KCNN3: variants seen among roughly 807,000 people sequenced by gnomAD.
The protein encoded by KCNN3 is potassium calcium-activated channel subfamily N member 3, also known as small conductance calcium-activated potassium channel protein 3.
Under a neutral mutation model 62.9 loss-of-function variants are expected in KCNN3, and 16 were observed. That is an observed-to-expected ratio of 0.25 (90% CI 0.17 to 0.39). KCNN3 has a LOEUF of 0.39. KCNN3 is among the 10% of genes least tolerant of loss of function. The probability of loss-of-function intolerance (pLI) is 1.00; values close to 1 mark genes in which losing one functional copy is unlikely to be tolerated. For missense variants in KCNN3, 599 were observed against 949.4 expected, an observed-to-expected ratio of 0.63 and a Z score of 4.85; for synonymous variants, 370 against 389.2, an observed-to-expected ratio of 0.95 and a Z score of 0.58.
rs1446557075 is a variant in KCNN3 at position 154,854,720 on chromosome 1, A to T, written c.933+14312T>A. ...CCTATCACTTCGTGACATCTTGATG[A>T]TCCTGAACCTGTGTCAGCCCAGGCT... is the stretch of plus-strand genomic sequence containing the variant. On this transcript the variant is annotated intron_variant, in intron 1 of 7. Transcript: ENST00000271915. 2.6e-5 allele frequency among the ~76,000 whole-genome samples: 4 copies of T among 152,208 alleles called. No homozygotes were observed. The East Asian group carries it at 7.7e-4, about 29-fold the overall frequency.
chr1:154,814,062 TC>T lies in KCNN3; in HGVS notation c.1029+8026del, dbSNP rs781711120. On this transcript the variant is annotated intron_variant, in intron 2 of 7. Coordinates refer to ENST00000271915, the MANE Select transcript of KCNN3 (RefSeq NM_002249.6). ...AAAGGTGCTGGGATCGAGGTGGGCC[TC>T]CCAGAGAGTGGCAGGGAGGGCCATG... Among the ~76,000 whole-genome samples, 280 of 152,332 alleles carry T rather than the reference TC, an allele frequency of 1.8e-3. 1 individual carries two copies. Among genetic ancestry groups the T allele is most frequent in the Non-Finnish European group, 3.2e-3 (215 of 68,016 alleles).
chr1:154,862,947 C>T lies in KCNN3; in HGVS notation c.933+6085G>A, dbSNP rs538407828. On this transcript the variant is annotated intron_variant, in intron 1 of 7. Coordinates refer to ENST00000271915, the MANE Select transcript of KCNN3 (RefSeq NM_002249.6). The surrounding 1 kb of genome is among the most constrained non-coding windows in gnomAD (Gnocchi z 4.1). ...GAGCTAAACGGGCTTGGGTTCTTAT[C>T]TCAGTGCCACCACCGCTGGCAGTGT... is the stretch of plus-strand genomic sequence containing the variant. Among the ~76,000 whole-genome samples the T allele has an allele frequency of 5.9e-5, 9 of 152,262 alleles. No individual in the cohort carries two copies. In the South Asian group the frequency reaches 1.9e-3, roughly 32 times the overall value.
At chr1:154,708,919 G>A (rs142416334) in intron 7 of KCNN3, among the ~76,000 whole-genome samples, 50 of 152,216 alleles carry the variant, frequency 3.3e-4, no homozygotes, top group East Asian at 1.2e-3. Flanking sequence ...GTGGCCCTTC[G>A]CCTGCCTGAT....
At chr1:154,804,868 A>G (rs1650103418) in intron 2 of KCNN3, among the ~76,000 whole-genome samples, 1 of 152,234 alleles carries the variant, frequency 6.6e-6, no homozygotes, top group African/African-American at 2.4e-5. Flanking sequence ...GCACCCAGGC[A>G]GTCTGGCTCC....
intron 1 of KCNN3, among the ~76,000 whole-genome samples, chr1:154,859,301 T>C (rs1470106846): frequency 6.6e-6 from 1 of 152,196 alleles, no homozygotes; most frequent in Non-Finnish European, 1.5e-5. Context: ...TCGCTGCTAG[T>C]GGAAGCTTGC....
At chr1:154,801,359 A>G (rs1466547066) in intron 2 of KCNN3, among the ~76,000 whole-genome samples, 1 of 152,118 alleles carries the variant, frequency 6.6e-6, no homozygotes, top group Non-Finnish European at 1.5e-5. Flanking sequence ...TCATTAGGGG[A>G]AAATCTCTCT....
At position 154,822,136 on chromosome 1, in the gene KCNN3, T is replaced by C; in HGVS notation, c.982A>G (p.Ile328Val). ...ALKCLISLSTIILLGLIIAYH... is the reference protein window; with the variant it reads ...ALKCLISLSTVILLGLIIAYH... Reference sequence around the variant, plus strand: ...GCGATGATCAAGCCCAAAAGGATGATGGTGGACAGACTGATAAGGCATTTC... The same window carrying C: ...GCGATGATCAAGCCCAAAAGGATGACGGTGGACAGACTGATAAGGCATTTC... Residue 328 changes from isoleucine to valine, a missense_variant, in exon 2 of 8, where the codon ATC becomes GTC. Physicochemically the swap from Ile to Val is conservative, Grantham distance 29. This residue lies in a region of KCNN3 where 288 missense variants were observed against 557.4 expected (regional missense o/e 0.52). Coordinates refer to ENST00000271915, the MANE Select transcript of KCNN3 (RefSeq NM_002249.6). 3.1e-6 allele frequency: 5 copies of C among 1,614,152 alleles called. No individual in the cohort carries two copies. Among genetic ancestry groups the C allele is most frequent in the Non-Finnish European group, 4.2e-6 (5 of 1,180,008 alleles).
At chr1:154,827,037 G>A (rs1651165606) in intron 1 of KCNN3, among the ~76,000 whole-genome samples, 1 of 152,180 alleles carries the variant, frequency 6.6e-6, no homozygotes, top group African/African-American at 2.4e-5. Flanking sequence ...AACCCCCAAA[G>A]GGAAAAGGTG....
chr1:154,808,853 T>G (rs1650287058), intron 2 of KCNN3, among the ~76,000 whole-genome samples: 1 of 152,108 alleles, frequency 6.6e-6, no homozygotes, highest in Non-Finnish European at 1.5e-5. Context: ...GCCCTTAGCT[T>G]CCTCCCCAGA....
chr1:154,784,986 T>C (rs1423718265), intron 2 of KCNN3, among the ~76,000 whole-genome samples: 4 of 152,276 alleles, frequency 2.6e-5, no homozygotes, highest in African/African-American at 9.6e-5. Context: ...GGAAGGCTTG[T>C]TGGGCTGAGC....
intron 1 of KCNN3, among the ~76,000 whole-genome samples, chr1:154,850,725 G>T (rs1046172300): frequency 5.9e-5 from 9 of 152,184 alleles, no homozygotes; most frequent in African/African-American, 1.9e-4. Context: ...AGTTGAAAGT[G>T]CTAGAAAATT....
At chr1:154,782,724 C>T (rs1336448819) in intron 2 of KCNN3, among the ~76,000 whole-genome samples, 2 of 152,188 alleles carry the variant, frequency 1.3e-5, no homozygotes, top group African/African-American at 4.8e-5. Context: ...CATTTCATTG[C>T]CATCTCATAA....
At chr1:154,833,143 G>T (rs2101904038) in intron 1 of KCNN3, among the ~76,000 whole-genome samples, 1 of 152,182 alleles carries the variant, frequency 6.6e-6, no homozygotes, top group Non-Finnish European at 1.5e-5. Context: ...TAGGGCCCCA[G>T]CTGAACCTTC....
chr1:154,853,362 G>T (rs1652381769), intron 1 of KCNN3, among the ~76,000 whole-genome samples: 1 of 152,006 alleles, frequency 6.6e-6, no homozygotes. Context: ...TTGAGACCAG[G>T]TCTCACTCTA....
At chr1:154,814,432 AACATAAG>A (rs143045983) in intron 2 of KCNN3, among the ~76,000 whole-genome samples, 3 of 152,080 alleles carry the variant, frequency 2.0e-5, no homozygotes, top group African/African-American at 7.3e-5. Context: ...ATTCACAACC[AACATAAG>A]ACACGCAGGG....
chr1:154,776,443 G>A (rs946533312), intron 2 of KCNN3, among the ~76,000 whole-genome samples: 1 of 152,122 alleles, frequency 6.6e-6, no homozygotes, highest in Non-Finnish European at 1.5e-5. Context: ...AGTAGGGGGT[G>A]GGGGAGAGTT....
chr1:154,868,182 C>T (rs1025311648), intron 1 of KCNN3: 25 of 985,316 alleles, frequency 2.5e-5, no homozygotes, highest in Middle Eastern at 5.2e-4. Flanking sequence ...CCTGGGAAGC[C>T]CTGTCATCCC....
At chr1:154,739,783 A>T (rs1700791451) in intron 3 of KCNN3, among the ~76,000 whole-genome samples, 1 of 152,258 alleles carries the variant, frequency 6.6e-6, no homozygotes, top group South Asian at 2.1e-4. Context: ...GAGAATCCAC[A>T]GGCCATGTCG....
chr1:154,869,007 T>C lies in KCNN3; in HGVS notation c.933+25A>G. ...ACCTACATATTCCTTTTGTTCAAGGTATAAAGAGAAACCACAGCCCCTACC... is the reference window on the plus strand; with the variant it reads ...ACCTACATATTCCTTTTGTTCAAGGCATAAAGAGAAACCACAGCCCCTACC... On this transcript the variant is annotated intron_variant, in intron 1 of 7. Transcript: ENST00000271915. The surrounding 1 kb of genome is among the most constrained non-coding windows in gnomAD (Gnocchi z 6.1). 6.2e-7 allele frequency: 1 copy of C among 1,611,226 alleles called. No homozygotes were observed. The highest frequency in any genetic ancestry group is 8.5e-7 in the Non-Finnish European group (1 of 1,177,742).
Sources: allele counts gnomAD v4.1 joint callset (sites outside exome capture counted in the v4.1 genomes callset), GRCh38; gene constraint gnomAD v4.1.1; regional missense constraint gnomAD v4.1.1; non-coding constraint Gnocchi (gnomAD v3.1); transcripts MANE v1.5; gene names NCBI Gene and HGNC (gene_info 2026-07-23, HGNC 2026-07-21).